CIRBP: variants seen among roughly 807,000 people sequenced by gnomAD.
The protein encoded by CIRBP is cold-inducible RNA-binding protein.
CIRBP carries 11 observed loss-of-function variants against 22.3 expected under a neutral mutation model. The ratio of observed to expected loss-of-function variants is 0.49; its 90% CI spans 0.31 to 0.82. CIRBP has a LOEUF of 0.82. CIRBP is among the 40% of genes least tolerant of loss of function. The pLI, the probability that CIRBP is intolerant of heterozygous loss-of-function variation, is 0.05. For missense variants in CIRBP, 456 were observed against 402.7 expected, an observed-to-expected ratio of 1.13 and a Z score of -1.13; for synonymous variants, 216 against 158.8, an observed-to-expected ratio of 1.36 and a Z score of -2.71.
chr19:1,272,733 TTG>T lies in CIRBP; in HGVS notation c.*295_*296del, dbSNP rs2081364021. 1 of 298,902 alleles carries T rather than the reference TTG, an allele frequency of 3.3e-6. No individual in the cohort carries two copies. Among genetic ancestry groups the T allele is most frequent in the African/African-American group, 2.2e-5 (1 of 45,722 alleles). The allele number at this position is 298,902 out of a possible 1,614,324, so 18.5% of individuals were successfully genotyped here. A position where few individuals can be genotyped will look rare whatever the true frequency, so the allele number is the denominator to read the frequency against. ...CATGAGTTTTCAAAAAAATCGGGGG[TTG>T]TGTGGGTTTTTGGTTTTTGTTTTAG... On this transcript the variant is annotated 3_prime_UTR_variant, in exon 6 of 6. Transcript: ENST00000587896.
Position 1,272,021 on chromosome 19 carries a change from G to A in CIRBP, c.472G>A (p.Gly158Arg), listed in dbSNP as rs376153221. The change falls in exon 6 of 6, where the codon GGG (glycine) becomes AGG (arginine). Residue 158 changes from glycine to arginine, a missense_variant. Transcript: ENST00000587896. ...SGGYSDRSSGGSYRDSYDSYG... is the reference protein window; with the variant it reads ...SGGYSDRSSGRSYRDSYDSYG... ...TGGCTACAGTGACCGGAGCTCGGGC[G>A]GGTCCTACAGAGACAGTTATGACAG... 8.7e-6 allele frequency: 14 copies of A among 1,612,918 alleles called. 1 individual carries two copies. The highest frequency in any genetic ancestry group is 3.3e-4 in the Middle Eastern group (2 of 6,070).
At chr19:1,270,785 G>A (rs1250896465) in intron 1 of CIRBP, 143 bp from the exon 2 acceptor site, 4 of 703,388 alleles carry the variant, frequency 5.7e-6, no homozygotes, top group South Asian at 5.1e-5. Context: ...TAAGTCCTAG[G>A]TATGAGTTTG....
chr19:1,274,318 C>A lies in CIRBP; in HGVS notation c.*1875C>A, dbSNP rs770497121. The A allele has an allele frequency of 8.2e-5, 33 of 401,176 alleles. No individual in the cohort carries two copies. Among genetic ancestry groups the A allele is most frequent in the Non-Finnish European group, 1.3e-4 (30 of 226,426 alleles). The allele number at this position is 401,176 out of a possible 1,614,324, so 24.9% of individuals were successfully genotyped here. ...CTTTGCTTTGGCAGGTTGAAGGGGC[C>A]CGGCCAGGACTCGGGGAAGGGTGGC... On this transcript the variant is annotated 3_prime_UTR_variant, in exon 6 of 6. Coordinates refer to ENST00000587896, the MANE Select transcript of CIRBP (RefSeq NM_001300829.2).
chr19:1,271,597 T>TG lies in CIRBP; in HGVS notation c.401dup (p.Tyr135LeufsTer9). On this transcript the variant is annotated frameshift_variant, in exon 5 of 6. Coordinates refer to ENST00000587896, the MANE Select transcript of CIRBP (RefSeq NM_001300829.2). LOFTEE classifies it low-confidence loss of function (END_TRUNC). ...GGGGGAACCGGTTCGAGTCCAGGAG[T>TG]GGGGGCTACGGAGGCTCCAGAGACT... 2 of 1,543,184 alleles carry TG rather than the reference T, an allele frequency of 1.3e-6. No homozygotes were observed. The highest frequency in any genetic ancestry group is 8.7e-7 in the Non-Finnish European group (1 of 1,146,108).
chr19:1,271,847 A>G, intron 5 of CIRBP, 134 bp from the exon 6 acceptor site: 1 of 813,726 alleles, frequency 1.2e-6, no homozygotes, highest in Non-Finnish European at 2.0e-6. Context: ...ACAATTTCCA[A>G]GATGCTGCCC....
In CIRBP at chr19:1,274,568, T is replaced by C; in HGVS notation, c.*2125T>C. ...CGGGCGCCTTTCGGTGTGTGTTGGG[T>C]GCAGGGCAGCGCCTCCCGGGAGCGC... On this transcript the variant is annotated 3_prime_UTR_variant, in exon 6 of 6. Coordinates refer to ENST00000587896, the MANE Select transcript of CIRBP (RefSeq NM_001300829.2). 2.8e-6 allele frequency: 1 copy of C among 351,930 alleles called. No homozygotes were observed. Among genetic ancestry groups the C allele is most frequent in the Non-Finnish European group, 5.1e-6 (1 of 196,744 alleles). The allele number at this position is 351,930 out of a possible 1,614,324, so 21.8% of individuals were successfully genotyped here.
intron 1 of CIRBP, among the ~76,000 whole-genome samples, chr19:1,270,497 G>A (rs2081321247): frequency 1.3e-5 from 2 of 152,210 alleles, no homozygotes; most frequent in African/African-American, 4.8e-5. Context: ...GCTGGGTGCG[G>A]TGGCTCACAC....
chr19:1,273,960 C>G lies in CIRBP; in HGVS notation c.*1517C>G. The G allele has an allele frequency of 4.7e-6, 1 of 213,404 alleles. No individual in the cohort carries two copies. The highest frequency in any genetic ancestry group is 9.2e-6 in the Non-Finnish European group (1 of 108,704). 13.2% of individuals were successfully genotyped at this position (213,404 alleles called of 1,614,324 possible). ...AAATCCCTTAAGCAGGATTGAAGAC[C>G]AGTGAACGCCCCCGCCTTTTGGATT... On this transcript the variant is annotated 3_prime_UTR_variant, in exon 6 of 6. Transcript: ENST00000587896.
At position 1,273,857 on chromosome 19, in the gene CIRBP, TAA is replaced by T. The variant is rs1456820367; in HGVS notation, c.*1416_*1417del. On this transcript the variant is annotated 3_prime_UTR_variant, in exon 6 of 6. Transcript: ENST00000587896. Reference sequence around the variant, plus strand: ...TTGTTTTTTTCAATTAAGCTGGAACTAAAGTCAGGCCCAGCCATTACGCTCCC... The same window carrying T: ...TTGTTTTTTTCAATTAAGCTGGAACTAGTCAGGCCCAGCCATTACGCTCCC... The T allele has an allele frequency of 6.2e-6, 1 of 160,218 alleles. No homozygotes were observed. Among genetic ancestry groups the T allele is most frequent in the African/African-American group, 2.4e-5 (1 of 41,718 alleles). 9.9% of individuals were successfully genotyped at this position (160,218 alleles called of 1,614,324 possible). A position where few individuals can be genotyped will look rare whatever the true frequency, so the allele number is the denominator to read the frequency against.
Position 1,272,360 on chromosome 19 carries a change from G to T in CIRBP, c.811G>T (p.Ala271Ser). ...LPGRRPRPGL[A>S]SGVKLPLVAS... The stretch of plus-strand genomic sequence containing the variant: ...CGGCCGCAGGCCGCGCCCTGGTCTG[G>T]CCTCTGGGGTGAAGCTGCCTCTTGT... The change falls in exon 6 of 6, where the codon GCC (alanine) becomes TCC (serine). Residue 271 changes from alanine to serine, a missense_variant. This residue lies in a region of CIRBP where 426 missense variants were observed against 339.6 expected (regional missense o/e 1.25). Transcript: ENST00000587896. The T allele has an allele frequency of 6.2e-7, 1 of 1,609,536 alleles. No homozygotes were observed. The highest frequency in any genetic ancestry group is 8.5e-7 in the Non-Finnish European group (1 of 1,178,342).
At position 1,272,015 on chromosome 19, in the gene CIRBP, T is replaced by C. The variant is rs2145531805; in HGVS notation, c.466T>C (p.Ser156Pro). Reference protein sequence around the residue: ...SQSGGYSDRSSGGSYRDSYDS... With the variant: ...SQSGGYSDRSPGGSYRDSYDS... ...GAGTGGTGGCTACAGTGACCGGAGC[T>C]CGGGCGGGTCCTACAGAGACAGTTA... The change falls in exon 6 of 6, where the codon TCG becomes CCG. Residue 156 changes from serine to proline, a missense_variant. Physicochemically the swap from Ser to Pro is moderately conservative, Grantham distance 74. Transcript: ENST00000587896. The C allele has an allele frequency of 6.2e-7, 1 of 1,612,570 alleles. No homozygotes were observed. The highest frequency in any genetic ancestry group is 2.2e-5 in the East Asian group (1 of 44,830).
At chr19:1,270,102 C>G (rs369590574) in intron 1 of CIRBP, 2 of 519,510 alleles carry the variant, frequency 3.8e-6, no homozygotes, top group Non-Finnish European at 7.7e-6. Context: ...ATGCCACTTC[C>G]CCTGCCTGGA....
Position 1,274,439 on chromosome 19 carries a change from C to T in CIRBP, c.*1996C>T, listed in dbSNP as rs1170827132. ...GCCGCTTGCCCAGGAGGCTTGTCCC[C>T]TGTAAGTGCTTTCGGGAAGAGTGGC... is the stretch of plus-strand genomic sequence containing the variant. On this transcript the variant is annotated 3_prime_UTR_variant, in exon 6 of 6. Transcript: ENST00000587896. 5.0e-6 allele frequency: 2 copies of T among 398,380 alleles called. No individual in the cohort carries two copies. The highest frequency in any genetic ancestry group is 1.3e-4 in the South Asian group (1 of 7,538). 24.7% of individuals were successfully genotyped at this position (398,380 alleles called of 1,614,324 possible). A position where few individuals can be genotyped will look rare whatever the true frequency, so the allele number is the denominator to read the frequency against.
chr19:1,272,719 A>C lies in CIRBP; in HGVS notation c.*276A>C, dbSNP rs2081363599. On this transcript the variant is annotated 3_prime_UTR_variant, in exon 6 of 6. Coordinates refer to ENST00000587896, the MANE Select transcript of CIRBP (RefSeq NM_001300829.2). ...TTTTGACCACGAGCCATGAGTTTTC[A>C]AAAAAATCGGGGGTTGTGTGGGTTT... 2 of 319,268 alleles carry C rather than the reference A, an allele frequency of 6.3e-6. No homozygotes were observed. Among genetic ancestry groups the C allele is most frequent in the Non-Finnish European group, 1.1e-5 (2 of 174,598 alleles). 19.8% of individuals were successfully genotyped at this position (319,268 alleles called of 1,614,324 possible). A position where few individuals can be genotyped will look rare whatever the true frequency, so the allele number is the denominator to read the frequency against.
rs111547108 is a variant in CIRBP at position 1,272,975 on chromosome 19, C to T, written c.*532C>T. 2,046 of 154,662 alleles carry T rather than the reference C, an allele frequency of 0.013. 24 individuals are homozygous for T. The highest frequency in any genetic ancestry group is 0.02 in the Non-Finnish European group (1,410 of 69,516). The allele number at this position is 154,662 out of a possible 1,614,324, so 9.6% of individuals were successfully genotyped here. On this transcript the variant is annotated 3_prime_UTR_variant, in exon 6 of 6. Coordinates refer to ENST00000587896, the MANE Select transcript of CIRBP (RefSeq NM_001300829.2). ...AACTGCCCTGGAGCCCCAGCCCCTG[C>T]GTCCATCTGTGCTGTGCGCCCCACA...
chr19:1,270,905 G>T, intron 1 of CIRBP, 23 bp from the exon 2 acceptor site: 1 of 1,533,174 alleles, frequency 6.5e-7, no homozygotes, highest in South Asian at 1.1e-5. Context: ...CCCTGTTGAG[G>T]ATTTCATTGG....
rs1009638747 is a variant in CIRBP at position 1,272,616 on chromosome 19, T to G, written c.*173T>G. 3.4e-6 allele frequency: 2 copies of G among 592,620 alleles called. No individual in the cohort carries two copies. The highest frequency in any genetic ancestry group is 1.8e-5 in the African/African-American group (1 of 54,068). 36.7% of individuals were successfully genotyped at this position (592,620 alleles called of 1,614,324 possible). A position where few individuals can be genotyped will look rare whatever the true frequency, so the allele number is the denominator to read the frequency against. On this transcript the variant is annotated 3_prime_UTR_variant, in exon 6 of 6. Coordinates refer to ENST00000587896, the MANE Select transcript of CIRBP (RefSeq NM_001300829.2). ...GACCGCTTCTGACGCCGGGATGGCC[T>G]CGTTACTAGACTTTTCTTTTTAAGG...
rs1395834742 is a variant in CIRBP at position 1,271,719 on chromosome 19, T to C, written c.431+87T>C. The C allele has an allele frequency of 9.0e-6, 8 of 889,682 alleles. No individual in the cohort carries two copies. The South Asian group carries it at 1.1e-4, about 13-fold the overall frequency. 55.1% of individuals were successfully genotyped at this position (889,682 alleles called of 1,614,324 possible). A position where few individuals can be genotyped will look rare whatever the true frequency, so the allele number is the denominator to read the frequency against. ...TCCCAGGTCCCTGGGGGAGCTGAGA[T>C]GAGACTGGCTGGGCAAGGAGCAGAG... On this transcript the variant is annotated intron_variant, in intron 5 of 5. Transcript: ENST00000587896.
rs746149811 is a variant in CIRBP at position 1,272,324 on chromosome 19, T to G, written c.775T>G (p.Trp259Gly). 3.1e-6 allele frequency: 5 copies of G among 1,612,984 alleles called. No individual in the cohort carries two copies. Among genetic ancestry groups the G allele is most frequent in the South Asian group, 1.1e-5 (1 of 91,042 alleles). ...GCCAGCCTCCCTCGGCTGTGGGGGG[T>G]GGTTGCTCCCCGGCCGCAGGCCGCG... ...RRPASLGCGGWLLPGRRPRPG... is the reference protein window; with the variant it reads ...RRPASLGCGGGLLPGRRPRPG... Residue 259 changes from tryptophan (W) to glycine (G), a missense_variant, in exon 6 of 6, where the codon TGG (tryptophan) becomes GGG (glycine). Trp to Gly is a radical substitution (Grantham distance 184). Around this residue, in one of 2 missense-constraint regions of CIRBP, gnomAD observed 426 missense variants for 339.6 expected, o/e 1.25. Coordinates refer to ENST00000587896, the MANE Select transcript of CIRBP (RefSeq NM_001300829.2).
Sources: allele counts gnomAD v4.1 joint callset (sites outside exome capture counted in the v4.1 genomes callset), GRCh38; gene constraint gnomAD v4.1.1; regional missense constraint gnomAD v4.1.1; transcripts MANE v1.5; gene names NCBI Gene and HGNC (gene_info 2026-07-23, HGNC 2026-07-21).